UBE2V2: variants seen among roughly 807,000 people sequenced by gnomAD.
UBE2V2 encodes the protein ubiquitin conjugating enzyme E2 V2.
UBE2V2 carries 9 observed loss-of-function variants against 17.2 expected under a neutral mutation model. That is an observed-to-expected ratio of 0.52 (90% confidence interval 0.32 to 0.91). UBE2V2 has a LOEUF of 0.91. UBE2V2 is among the 40% of genes least tolerant of loss of function. The pLI is 0.04. For missense variants in UBE2V2, 133 were observed against 182.6 expected (o/e 0.73, Z 1.56); for synonymous variants, 61 against 57.5 (o/e 1.06, Z -0.28).
intron 3 of UBE2V2, among the ~76,000 whole-genome samples, chr8:48,057,531 G>A (rs983990599): frequency 8.6e-5 from 13 of 152,022 alleles, no homozygotes; most frequent in African/African-American, 2.4e-4. Flanking sequence ...TCGAACTTCC[G>A]AACTTAGGTG....
chr8:48,008,358 G>C, upstream of UBE2V2: 1 of 1,433,640 alleles, frequency 7.0e-7, no homozygotes, highest in South Asian at 1.4e-5. Context: ...GCCGGGGGCG[G>C]AGTCCGCTGT....
At chr8:48,055,804 G>A (rs1413730701) in intron 3 of UBE2V2, among the ~76,000 whole-genome samples, 4 of 143,568 alleles carry the variant, frequency 2.8e-5, no homozygotes, top group Non-Finnish European at 4.5e-5. Flanking sequence ...TCACTCTGTC[G>A]CCCAGGCTGG....
the UBE2V2 span, among the ~76,000 whole-genome samples, chr8:47,998,677 GGAGAGAGAGAGAGAAAGAGAGAGT>G: frequency 2.0e-5 from 3 of 151,240 alleles, no homozygotes; most frequent in African/African-American, 7.3e-5. Context: ...GGAGGGAGGG[GGAGAGAGAGAGAGAAAGAGAGAGT>G]GAGAGAGAGA....
At chr8:48,034,166 G>C (rs2091404158) in intron 1 of UBE2V2, among the ~76,000 whole-genome samples, 1 of 142,298 alleles carries the variant, frequency 7.0e-6, no homozygotes, top group African/African-American at 2.9e-5. Flanking sequence ...ACTGTCACCG[G>C]GCTGGAGTGC....
At chr8:48,007,586 T>C (rs77874372), upstream of UBE2V2, among the ~76,000 whole-genome samples, 69 of 150,850 alleles carry the variant, frequency 4.6e-4, no homozygotes, top group Non-Finnish European at 8.6e-4. Context: ...TTTTTTTTTT[T>C]CAGTTTTATG....
chr8:48,034,098 G>A (rs1301016690), intron 1 of UBE2V2, among the ~76,000 whole-genome samples: 1 of 146,900 alleles, frequency 6.8e-6, no homozygotes, highest in East Asian at 2.0e-4. Context: ...TTTTTATTCT[G>A]TCTTAATATT....
At chr8:48,013,936 A>G (rs2091250302) in intron 1 of UBE2V2, among the ~76,000 whole-genome samples, 1 of 152,208 alleles carries the variant, frequency 6.6e-6, no homozygotes, top group African/African-American at 2.4e-5. Flanking sequence ...CCATCTGTGA[A>G]AAGATTGGAC....
chr8:48,034,558 G>T (rs2091407748), intron 1 of UBE2V2, among the ~76,000 whole-genome samples: 1 of 151,390 alleles, frequency 6.6e-6, no homozygotes. Context: ...GCTGCTATTA[G>T]GTCTCCCCCA....
rs917200331 is a variant in UBE2V2, at chr8:48,061,576, G to C, written c.*748G>C. ...AATGTGAAACGTGTCCTCAGAGACTGTGCCATTTCTATTATGTTGATGTAT... is the reference window on the plus strand; with the variant it reads ...AATGTGAAACGTGTCCTCAGAGACTCTGCCATTTCTATTATGTTGATGTAT... On this transcript the variant is annotated 3_prime_UTR_variant, in exon 4 of 4. Transcript: ENST00000523111. 1.3e-5 allele frequency: 2 copies of C among 152,616 alleles called. No homozygotes were observed. Among genetic ancestry groups the C allele is most frequent in the African/African-American group, 4.8e-5 (2 of 41,450 alleles). The allele number at this position is 152,616 out of a possible 1,614,324, so 9.5% of individuals were successfully genotyped here.
At chr8:48,025,059 C>T (rs182434392) in intron 1 of UBE2V2, among the ~76,000 whole-genome samples, 9 of 151,766 alleles carry the variant, frequency 5.9e-5, no homozygotes, top group East Asian at 1.9e-4. Context: ...TTCAGCCTCC[C>T]GAGTAGCTGG....
chr8:48,054,713 C>T (rs1207524067), intron 3 of UBE2V2, among the ~76,000 whole-genome samples: 7 of 152,222 alleles, frequency 4.6e-5, no homozygotes, highest in South Asian at 2.1e-4. Context: ...TTAGTTTATA[C>T]GTATTTAATA....
chr8:48,003,057 A>G, the UBE2V2 span, among the ~76,000 whole-genome samples: 3 of 152,080 alleles, frequency 2.0e-5, no homozygotes, highest in African/African-American at 7.2e-5. Context: ...TAAAAATACA[A>G]AAATTAGCTG....
chr8:48,028,649 AT>A (rs562742928), intron 1 of UBE2V2, among the ~76,000 whole-genome samples: 67 of 150,164 alleles, frequency 4.5e-4, no homozygotes, highest in African/African-American at 1.6e-3. Flanking sequence ...AACACAGCTA[AT>A]TTTTTTTGTA....
At position 48,063,552 on chromosome 8, in the gene UBE2V2, C is replaced by T. The variant is rs1370696160; in HGVS notation, c.*2724C>T. The T allele has an allele frequency of 1.3e-5, 2 of 152,118 alleles. No individual in the cohort carries two copies. Among genetic ancestry groups the T allele is most frequent in the Non-Finnish European group, 2.9e-5 (2 of 68,014 alleles). 9.4% of individuals were successfully genotyped at this position (152,118 alleles called of 1,614,324 possible). On this transcript the variant is annotated 3_prime_UTR_variant, in exon 4 of 4. Coordinates refer to ENST00000523111, the MANE Select transcript of UBE2V2 (RefSeq NM_003350.3). ...AGATTACCAAAAGAAACTTCTTGTC[C>T]TGTTAGGTCAGTGTTATGATTTAAT...
intron 1 of UBE2V2, among the ~76,000 whole-genome samples, chr8:48,035,619 G>GTTTTTTTTT (rs770027131): frequency 2.4e-5 from 2 of 84,616 alleles, no homozygotes; most frequent in Non-Finnish European, 2.1e-5. Context: ...AAAAATTATT[G>GTTTTTTTTT]TTTTTTTTTT....
At chr8:48,039,346 G>A (rs956661780) in intron 1 of UBE2V2, among the ~76,000 whole-genome samples, 5 of 152,052 alleles carry the variant, frequency 3.3e-5, no homozygotes, top group Non-Finnish European at 5.9e-5. Flanking sequence ...ATATCTACAC[G>A]TTTGCCCAGA....
chr8:48,003,213 CAA>C, the UBE2V2 span, among the ~76,000 whole-genome samples: 588 of 58,562 alleles, frequency 0.01, 4 homozygotes, highest in South Asian at 0.051. Context: ...CTGTCTCAAA[CAA>C]AAAAAAAAAA....
upstream of UBE2V2, among the ~76,000 whole-genome samples, chr8:48,004,520 T>TG (rs1215772011): frequency 1.1e-4 from 16 of 150,730 alleles, no homozygotes; most frequent in Non-Finnish European, 1.9e-4. Context: ...CTGTTTTTTT[T>TG]TTTTGTTTTG....
At chr8:47,999,078 G>A in the UBE2V2 span, among the ~76,000 whole-genome samples, 2 of 152,152 alleles carry the variant, frequency 1.3e-5, no homozygotes, top group African/African-American at 4.8e-5. Context: ...TTTGCTTATC[G>A]CAGCAAGGTC....
Sources: allele counts gnomAD v4.1 joint callset (sites outside exome capture counted in the v4.1 genomes callset), GRCh38; gene constraint gnomAD v4.1.1; transcripts MANE v1.5; gene names NCBI Gene and HGNC (gene_info 2026-07-23, HGNC 2026-07-21).